FHIT: variants seen among roughly 807,000 people sequenced by gnomAD.
FHIT encodes the protein fragile histidine triad diadenosine triphosphatase.
In FHIT, 19 loss-of-function variants were observed where a neutral mutation model predicts 17.9. The observed-to-expected ratio is 1.06, with a 90% CI of 0.74 to 1.56. The LOEUF (loss-of-function observed/expected upper bound fraction) is 1.56, where lower values mean the gene tolerates loss of function less well. FHIT is among the 40% of genes most tolerant of loss of function. The probability of loss-of-function intolerance (pLI) is 0.00; values close to 1 mark genes in which losing one functional copy is unlikely to be tolerated. For synonymous variants in FHIT, 81 were observed against 69.7 expected, an observed-to-expected ratio of 1.16 and a Z score of -0.81; for missense variants, 248 against 189.2, an observed-to-expected ratio of 1.31 and a Z score of -1.82.
intron 7 of FHIT, among the ~76,000 whole-genome samples, chr3:59,997,892 T>C (rs1699580375): frequency 6.6e-6 from 1 of 152,204 alleles, no homozygotes; most frequent in South Asian, 2.1e-4. Flanking sequence ...ATCTTTTATT[T>C]TTTAAGCATT....
chr3:59,993,676 C>T (rs7622382), intron 7 of FHIT, among the ~76,000 whole-genome samples: 2,563 of 152,024 alleles, frequency 0.017, 61 homozygotes, highest in African/African-American at 0.056. Context: ...GAGGCCGGCG[C>T]CACCAAAACC....
In FHIT at chr3:61,132,255, T is replaced by C. The variant is rs149442183; in HGVS notation, c.-164+68362A>G. Among the ~76,000 whole-genome samples the C allele has an allele frequency of 5.4e-3, 824 of 152,352 alleles. 2 individuals carry two copies. Among genetic ancestry groups the C allele is most frequent in the Admixed American group, 8.6e-3 (132 of 15,308 alleles). On this transcript the variant is annotated intron_variant, in intron 2 of 9. Transcript: ENST00000492590. The stretch of plus-strand genomic sequence containing the variant: ...TGCATGGGCCACCCACATGTCTTAG[T>C]TGAGCCCTACATGAGATCACCAGTT...
At chr3:60,481,058 C>A (rs548114882) in intron 5 of FHIT, among the ~76,000 whole-genome samples, 2 of 152,288 alleles carry the variant, frequency 1.3e-5, no homozygotes, top group African/African-American at 2.4e-5. Flanking sequence ...GCCTGGACAT[C>A]CAGGCATTTC....
rs1287081374 is a variant in FHIT, at chr3:60,947,608, A to G, written c.-111+94439T>C. Among the ~76,000 whole-genome samples the G allele has an allele frequency of 2.6e-5, 4 of 152,196 alleles. No individual in the cohort carries two copies. The East Asian group carries it at 7.7e-4, about 29-fold the overall frequency. On this transcript the variant is annotated intron_variant, in intron 3 of 9. Coordinates refer to ENST00000492590, the MANE Select transcript of FHIT (RefSeq NM_002012.4). ...AGTCTACAATTTGCGGCTTAACAAAATTATTTTTGAAAAGGTCATAACCTG... is the reference window on the plus strand; with the variant it reads ...AGTCTACAATTTGCGGCTTAACAAAGTTATTTTTGAAAAGGTCATAACCTG...
chr3:60,468,179 G>A (rs1220848243), intron 5 of FHIT, among the ~76,000 whole-genome samples: 7 of 151,980 alleles, frequency 4.6e-5, no homozygotes, highest in African/African-American at 1.4e-4. Flanking sequence ...GTCTATGTGT[G>A]TCTTTATATT....
At chr3:60,424,088 T>A (rs1370754604) in intron 5 of FHIT, among the ~76,000 whole-genome samples, 1 of 152,122 alleles carries the variant, frequency 6.6e-6, no homozygotes, top group Non-Finnish European at 1.5e-5. Context: ...TTGAAAACAT[T>A]AACTCCTTTA....
At chr3:59,751,232 T>TTTTCTCTC (rs1015367877) in intron 9 of FHIT, 3 of 175,902 alleles carry the variant, frequency 1.7e-5, no homozygotes, top group African/African-American at 7.2e-5. Context: ...ATAGATACAT[T>TTTTCTCTC]TCTCTCTCTC....
chr3:59,986,576 C>T lies in FHIT; in HGVS notation c.279+24795G>A, dbSNP rs1248165474. On this transcript the variant is annotated intron_variant, in intron 7 of 9. Transcript: ENST00000492590. ...ACACACACACACACACACATATATA[C>T]ACACACACACACACACACACATATA... Among the ~76,000 whole-genome samples the T allele has an allele frequency of 9.2e-3, 300 of 32,532 alleles. 42 individuals are homozygous for T. Among genetic ancestry groups the T allele is most frequent in the African/African-American group, 0.033 (121 of 3,704 alleles). 21.3% of individuals were successfully genotyped at this position (32,532 alleles called of 152,430 possible). A position where few individuals can be genotyped will look rare whatever the true frequency, so the allele number is the denominator to read the frequency against.
chr3:60,215,029 A>T (rs1703633826), intron 5 of FHIT, among the ~76,000 whole-genome samples: 1 of 152,036 alleles, frequency 6.6e-6, no homozygotes, highest in Non-Finnish European at 1.5e-5. Flanking sequence ...GAGGGAGATG[A>T]GGAGGGGCAC....
At chr3:60,831,554 T>A (rs1212853524) in intron 3 of FHIT, among the ~76,000 whole-genome samples, 1 of 152,146 alleles carries the variant, frequency 6.6e-6, no homozygotes, top group African/African-American at 2.4e-5. Context: ...TAAAAAGACC[T>A]GCCAGAGTTC....
intron 3 of FHIT, among the ~76,000 whole-genome samples, chr3:60,832,429 C>A (rs1243488266): frequency 6.6e-6 from 1 of 152,040 alleles, no homozygotes; most frequent in Non-Finnish European, 1.5e-5. Flanking sequence ...ACCTCCTTGC[C>A]ATGCCCAATG....
intron 5 of FHIT, among the ~76,000 whole-genome samples, chr3:60,201,351 T>C (rs921218517): frequency 3.3e-5 from 5 of 152,116 alleles, no homozygotes; most frequent in Non-Finnish European, 5.9e-5. Context: ...ACCACAATAC[T>C]ATCTATTTTT....
At chr3:61,107,596 T>C (rs1245967681) in intron 2 of FHIT, among the ~76,000 whole-genome samples, 2 of 152,246 alleles carry the variant, frequency 1.3e-5, no homozygotes. Context: ...TGTACATGGG[T>C]TGCTTTTTCT....
At chr3:59,963,654 T>C (rs991259313) in intron 7 of FHIT, among the ~76,000 whole-genome samples, 6 of 152,220 alleles carry the variant, frequency 3.9e-5, no homozygotes, top group South Asian at 2.1e-4. Flanking sequence ...ATTAAGTAAC[T>C]AAGTTTCAGA....
At chr3:60,707,556 T>A (rs2041405556) in intron 4 of FHIT, among the ~76,000 whole-genome samples, 1 of 152,148 alleles carries the variant, frequency 6.6e-6, no homozygotes, top group South Asian at 2.1e-4. Context: ...ATGTCAGATG[T>A]CAGTAATCAG....
In FHIT at chr3:60,332,215, T is replaced by G. The variant is rs77087245; in HGVS notation, c.103+204645A>C. ...ATATCAGAAAATGGTATGAGAGAGG[T>G]TAAGAAAATTTTCTACTATCTCAAA... On this transcript the variant is annotated intron_variant, in intron 5 of 9. Transcript: ENST00000492590. Among the ~76,000 whole-genome samples, 488 of 152,250 alleles carry G rather than the reference T, an allele frequency of 3.2e-3. 3 individuals are homozygous for G. The highest frequency in any genetic ancestry group is 0.011 in the African/African-American group (466 of 41,546).
chr3:60,563,900 C>G (rs1226747433), intron 4 of FHIT, among the ~76,000 whole-genome samples: 1 of 152,194 alleles, frequency 6.6e-6, no homozygotes, highest in East Asian at 1.9e-4. Flanking sequence ...TCCAGAAGAG[C>G]TGGCAAAGAT....
intron 7 of FHIT, among the ~76,000 whole-genome samples, chr3:60,009,105 A>C (rs932057179): frequency 5.3e-5 from 8 of 151,694 alleles, no homozygotes; most frequent in Non-Finnish European, 1.2e-4. Context: ...CAACAACTTT[A>C]GATATGGATA....
At chr3:60,986,928 A>G (rs1019628361) in intron 3 of FHIT, among the ~76,000 whole-genome samples, 1 of 152,224 alleles carries the variant, frequency 6.6e-6, no homozygotes, top group African/African-American at 2.4e-5. Flanking sequence ...TTATAAGTCT[A>G]CATTGCTTGG....
Sources: allele counts gnomAD v4.1 joint callset (sites outside exome capture counted in the v4.1 genomes callset), GRCh38; gene constraint gnomAD v4.1.1; transcripts MANE v1.5; gene names NCBI Gene and HGNC (gene_info 2026-07-23, HGNC 2026-07-21).